KRABD5: variants seen among roughly 807,000 people sequenced by gnomAD.
The protein encoded by KRABD5 is KRAB domain containing 5.
At chr16:31,738,980 C>A in the KRABD5 span, among the ~76,000 whole-genome samples, 1 of 152,126 alleles carries the variant, frequency 6.6e-6, no homozygotes, top group African/African-American at 2.4e-5. Context: ...TTATTGATAT[C>A]ACAAATTATA....
the KRABD5 span, among the ~76,000 whole-genome samples, chr16:31,724,799 T>C: frequency 6.6e-6 from 1 of 152,198 alleles, no homozygotes; most frequent in Non-Finnish European, 1.5e-5. Flanking sequence ...CCCCAGAATT[T>C]ATCTTTTAAA....
the KRABD5 span, among the ~76,000 whole-genome samples, chr16:31,744,909 T>C: frequency 6.6e-6 from 1 of 152,180 alleles, no homozygotes; most frequent in African/African-American, 2.4e-5. Flanking sequence ...AGTTTACTTG[T>C]GTAGAGATAT....
At chr16:31,740,774 G>A in the KRABD5 span, among the ~76,000 whole-genome samples, 1 of 152,238 alleles carries the variant, frequency 6.6e-6, no homozygotes, top group South Asian at 2.1e-4. Context: ...ACTCCAGTCT[G>A]AGTGACAGAG....
the KRABD5 span, chr16:31,759,147 A>T: frequency 2.2e-6 from 1 of 459,162 alleles, no homozygotes; most frequent in Non-Finnish European, 4.1e-6. Flanking sequence ...CACAATATTT[A>T]TGTATCTTTT....
chr16:31,735,523 A>T, the KRABD5 span, among the ~76,000 whole-genome samples: 3 of 152,206 alleles, frequency 2.0e-5, no homozygotes, highest in Non-Finnish European at 4.4e-5. Context: ...TTACAATCCC[A>T]TCAACAGTAT....
chr16:31,755,140 G>T, the KRABD5 span: 1 of 489,216 alleles, frequency 2.0e-6, no homozygotes, highest in Non-Finnish European at 4.2e-6. Flanking sequence ...ATAAATGTAA[G>T]GAATGCAGCA....
At chr16:31,760,702 T>C in the KRABD5 span, 1 of 152,220 alleles carries the variant, frequency 6.6e-6, no homozygotes, top group Non-Finnish European at 1.5e-5. Context: ...GCACAGTAAT[T>C]TGATTTAATC....
chr16:31,740,494 TAACTG>T, the KRABD5 span, among the ~76,000 whole-genome samples: 1 of 152,196 alleles, frequency 6.6e-6, no homozygotes, highest in African/African-American at 2.4e-5. Context: ...TGTTCTCCTT[TAACTG>T]GTTAAGCATC....
At chr16:31,723,288 C>A in the KRABD5 span, 1 of 1,613,990 alleles carries the variant, frequency 6.2e-7, no homozygotes, top group East Asian at 2.2e-5. Flanking sequence ...GACCTGATCA[C>A]CTTTTTGGAG....
At chr16:31,727,762 A>G in the KRABD5 span, among the ~76,000 whole-genome samples, 9 of 152,248 alleles carry the variant, frequency 5.9e-5, no homozygotes, top group East Asian at 1.4e-3. Flanking sequence ...TGTTTCTTCT[A>G]AGTTATCCAA....
chr16:31,759,484 C>T, the KRABD5 span: 1 of 1,372,612 alleles, frequency 7.3e-7, no homozygotes, highest in South Asian at 1.2e-5. Flanking sequence ...TTATATGGGT[C>T]TATTTATTTG....
the KRABD5 span, chr16:31,755,793 G>A: frequency 1.8e-5 from 6 of 325,334 alleles, no homozygotes; most frequent in African/African-American, 6.6e-5. Context: ...TAGGGAAACC[G>A]ACTTTACAGA....
At chr16:31,739,582 G>A in the KRABD5 span, among the ~76,000 whole-genome samples, 1 of 151,760 alleles carries the variant, frequency 6.6e-6, no homozygotes, top group Non-Finnish European at 1.5e-5. Flanking sequence ...TAAATTTTAG[G>A]CCATTTTCTC....
the KRABD5 span, among the ~76,000 whole-genome samples, chr16:31,732,134 CCATGAT>C: frequency 6.6e-6 from 1 of 152,184 alleles, no homozygotes; most frequent in Non-Finnish European, 1.5e-5. Flanking sequence ...GTGTCCAGAA[CCATGAT>C]CAATAAGCCT....
chr16:31,746,250 T>C, the KRABD5 span, among the ~76,000 whole-genome samples: 1 of 152,164 alleles, frequency 6.6e-6, no homozygotes, highest in Admixed American at 6.5e-5. Flanking sequence ...CAGTGGCTGG[T>C]ACCAGTTTTT....
chr16:31,744,118 T>A, the KRABD5 span, among the ~76,000 whole-genome samples: 10 of 152,136 alleles, frequency 6.6e-5, no homozygotes, highest in Non-Finnish European at 1.3e-4. Context: ...CCTTTATTTC[T>A]TTCTCTTGCC....
the KRABD5 span, among the ~76,000 whole-genome samples, chr16:31,743,553 C>T: frequency 0.61 from 92,152 of 151,914 alleles, 28,974 homozygotes; most frequent in Middle Eastern, 0.73. Context: ...AGTCAGGTAG[C>T]GTGATGCCTC....
the KRABD5 span, among the ~76,000 whole-genome samples, chr16:31,721,880 A>G: frequency 1.1e-3 from 161 of 152,292 alleles, 2 homozygotes; most frequent in East Asian, 0.028. Context: ...CCAGCCCCAG[A>G]TCTCCTGAAT....
At chr16:31,744,169 G>A in the KRABD5 span, among the ~76,000 whole-genome samples, 13 of 152,160 alleles carry the variant, frequency 8.5e-5, no homozygotes, top group South Asian at 2.1e-4. Flanking sequence ...TGTTGAATAG[G>A]AGTGGTGAGA....
Sources: allele counts gnomAD v4.1 joint callset (sites outside exome capture counted in the v4.1 genomes callset), GRCh38; gene constraint gnomAD v4.1.1; transcripts MANE v1.5; gene names NCBI Gene and HGNC (gene_info 2026-07-23, HGNC 2026-07-21).